Variants in PKIG observed in about 807,000 individuals in gnomAD.
PKIG encodes the protein cAMP-dependent protein kinase inhibitor gamma.
A neutral mutation model predicts 6.8 loss-of-function variants in PKIG; 1 was observed. The ratio of observed to expected loss-of-function variants is 0.15; its 90% CI spans 0.05 to 0.69. The LOEUF is 0.69. Among genes scored for constraint, PKIG ranks in the 30% least tolerant of loss-of-function variants. PKIG has a pLI of 0.82. For missense variants in PKIG, 77 were observed against 104.0 expected (o/e 0.74, Z 1.13); for synonymous variants, 39 against 43.0 (o/e 0.91, Z 0.36).
chr20:44,573,155 G>A (rs1450384082), intron 1 of PKIG, among the ~76,000 whole-genome samples: 1 of 152,240 alleles, frequency 6.6e-6, no homozygotes, highest in Non-Finnish European at 1.5e-5. Context: ...TCTGTGCCAG[G>A]CAGGCAGGCT....
At chr20:44,607,268 T>TAATC (rs1241666129) in intron 2 of PKIG, among the ~76,000 whole-genome samples, 1 of 151,968 alleles carries the variant, frequency 6.6e-6, no homozygotes, top group East Asian at 1.9e-4. Context: ...TGTGTTGATG[T>TAATC]AATCAGTGCT....
At chr20:44,593,972 A>G (rs1265705588) in intron 2 of PKIG, among the ~76,000 whole-genome samples, 1 of 152,186 alleles carries the variant, frequency 6.6e-6, no homozygotes, top group African/African-American at 2.4e-5. Flanking sequence ...TAGCATATGG[A>G]TGAGTGCTCT....
intron 2 of PKIG, among the ~76,000 whole-genome samples, chr20:44,597,223 C>G (rs540852763): frequency 2.7e-5 from 4 of 150,696 alleles, no homozygotes; most frequent in Non-Finnish European, 5.9e-5. Context: ...GGTCCCCCCA[C>G]CCGGCATTAT....
Position 44,614,562 on chromosome 20 carries a change from G to A in PKIG, c.6G>A (p.Met2Ile). The A allele has an allele frequency of 6.2e-7, 1 of 1,614,042 alleles. No homozygotes were observed. Among genetic ancestry groups the A allele is most frequent in the Non-Finnish European group, 8.5e-7 (1 of 1,179,994 alleles). ...TGAGGAGCGATGCGACAGGCATGATGGAGGTCGAGTCCTCCTACTCGGACT... is the reference window on the plus strand; with the variant it reads ...TGAGGAGCGATGCGACAGGCATGATAGAGGTCGAGTCCTCCTACTCGGACT... M[M>I]EVESSYSDFI... Residue 2 changes from methionine to isoleucine, a missense_variant, in exon 3 of 4, where the codon ATG (methionine) becomes ATA (isoleucine). Met to Ile is a conservative substitution (Grantham distance 10). Transcript: ENST00000372886. This position sits in a 1 kb window ranked among gnomAD's most constrained non-coding sequence, Gnocchi z 4.6.
At chr20:44,548,874 A>G (rs1435563928) in intron 1 of PKIG, among the ~76,000 whole-genome samples, 1 of 141,330 alleles carries the variant, frequency 7.1e-6, no homozygotes, top group Non-Finnish European at 1.5e-5. Flanking sequence ...ACACACACAC[A>G]CACACACACA....
At chr20:44,613,438 T>A (rs2065236764) in intron 2 of PKIG, among the ~76,000 whole-genome samples, 2 of 152,194 alleles carry the variant, frequency 1.3e-5, no homozygotes, top group Admixed American at 1.3e-4. Flanking sequence ...ACCTCTCTTC[T>A]GAGCTCCAGC....
Position 44,618,404 on chromosome 20 carries a change from G to T in PKIG, c.*40G>T. 1.5e-6 allele frequency: 2 copies of T among 1,378,544 alleles called. No individual in the cohort carries two copies. Among genetic ancestry groups the T allele is most frequent in the Non-Finnish European group, 2.1e-6 (2 of 965,062 alleles). 85.4% of individuals were successfully genotyped at this position (1,378,544 alleles called of 1,614,324 possible). A position where few individuals can be genotyped will look rare whatever the true frequency, so the allele number is the denominator to read the frequency against. The stretch of plus-strand genomic sequence containing the variant: ...AAGAAGGCTGGACGAGAGACCTTCT[G>T]TCCCCTCCCAGAGGGGGAACCCTGG... On this transcript the variant is annotated 3_prime_UTR_variant, in exon 4 of 4. Transcript: ENST00000372886.
intron 1 of PKIG, among the ~76,000 whole-genome samples, chr20:44,544,699 C>G (rs2064594897): frequency 6.6e-6 from 1 of 152,184 alleles, no homozygotes; most frequent in Admixed American, 6.5e-5. Flanking sequence ...GTGAAGAAGG[C>G]TGGTAAATGC....
chr20:44,594,125 CTAAGA>C (rs1339194381), intron 2 of PKIG, among the ~76,000 whole-genome samples: 1 of 152,208 alleles, frequency 6.6e-6, no homozygotes. Flanking sequence ...AGTTGCATAA[CTAAGA>C]TTTCACTTGA....
At chr20:44,563,249 C>G (rs2064782784) in intron 1 of PKIG, among the ~76,000 whole-genome samples, 1 of 152,114 alleles carries the variant, frequency 6.6e-6, no homozygotes, top group Admixed American at 6.5e-5. Flanking sequence ...AGCCCTTTTA[C>G]TCAGGAAAAT....
intron 1 of PKIG, among the ~76,000 whole-genome samples, chr20:44,585,770 G>A (rs988332553): frequency 2.6e-5 from 4 of 152,340 alleles, no homozygotes; most frequent in African/African-American, 7.2e-5. Flanking sequence ...TACCATTTGC[G>A]CATTCCCCTG....
intron 1 of PKIG, among the ~76,000 whole-genome samples, chr20:44,544,456 A>G (rs2064592241): frequency 6.6e-6 from 1 of 152,334 alleles, no homozygotes; most frequent in East Asian, 1.9e-4. Context: ...TGTTCCTGGC[A>G]TGGCAGTTCC....
chr20:44,618,135 TAGGCCACC>T (rs2065286460), intron 3 of PKIG, 142 bp from the exon 4 acceptor site: 1 of 670,940 alleles, frequency 1.5e-6, no homozygotes, highest in Non-Finnish European at 2.7e-6. Context: ...CTAAAGTCCA[TAGGCCACC>T]ACCACCTCAG....
At chr20:44,586,093 T>C (rs1194221082) in intron 1 of PKIG, among the ~76,000 whole-genome samples, 3 of 152,192 alleles carry the variant, frequency 2.0e-5, no homozygotes, top group Non-Finnish European at 4.4e-5. Context: ...AGGTAAGAGC[T>C]CTGCTTTCAC....
chr20:44,589,209 C>T (rs1399839433), intron 1 of PKIG, among the ~76,000 whole-genome samples: 2 of 151,972 alleles, frequency 1.3e-5, no homozygotes, highest in Non-Finnish European at 2.9e-5. Flanking sequence ...CAGTAGTTCA[C>T]ACCTGTAATC....
chr20:44,607,591 A>C (rs1358909371), intron 2 of PKIG, among the ~76,000 whole-genome samples: 1 of 148,946 alleles, frequency 6.7e-6, no homozygotes, highest in East Asian at 2.0e-4. Flanking sequence ...TGGCCAGGCT[A>C]GTCTTGAACT....
chr20:44,578,186 A>G (rs2064916079), upstream of PKIG, among the ~76,000 whole-genome samples: 1 of 151,826 alleles, frequency 6.6e-6, no homozygotes, highest in Admixed American at 6.5e-5. Flanking sequence ...TAAGCATACA[A>G]AAAAATTAGC....
chr20:44,591,234 G>C (rs1202839485), intron 2 of PKIG, among the ~76,000 whole-genome samples: 1 of 152,146 alleles, frequency 6.6e-6, no homozygotes, highest in South Asian at 2.1e-4. Context: ...GGCTTGGGGG[G>C]TGCAGCACTC....
chr20:44,604,987 T>C (rs553339882), intron 2 of PKIG, among the ~76,000 whole-genome samples: 2 of 151,560 alleles, frequency 1.3e-5, no homozygotes, highest in Admixed American at 6.6e-5. Flanking sequence ...TAAGAAAACA[T>C]AGATCAGCAA....
Sources: allele counts gnomAD v4.1 joint callset (sites outside exome capture counted in the v4.1 genomes callset), GRCh38; gene constraint gnomAD v4.1.1; non-coding constraint Gnocchi (gnomAD v3.1); transcripts MANE v1.5; gene names NCBI Gene and HGNC (gene_info 2026-07-23, HGNC 2026-07-21).